GSTM4: variants seen among roughly 807,000 people sequenced by gnomAD.
GSTM4 encodes the protein glutathione S-transferase mu 4, also known as GST class-mu 4.
GSTM4 carries 27 observed loss-of-function variants against 30.1 expected under a neutral mutation model. That is an observed-to-expected ratio of 0.90 (90% CI 0.66 to 1.24). GSTM4 has a LOEUF of 1.24. GSTM4 is among the 50% of genes most tolerant of loss of function. The pLI, the probability that GSTM4 is intolerant of heterozygous loss-of-function variation, is 0.00. For synonymous variants in GSTM4, 94 were observed against 96.2 expected (o/e 0.98, Z 0.13); for missense variants, 238 against 272.1 (o/e 0.87, Z 0.88).
chr1:109,656,635 G>C (rs902385721), intron 1 of GSTM4, 77 bp from the exon 2 acceptor site: 1 of 1,402,876 alleles, frequency 7.1e-7, no homozygotes, highest in Non-Finnish European at 1.0e-6. Context: ...GTAGACTAGG[G>C]GCTCACCTGG....
chr1:109,656,720 C>T lies in GSTM4; in HGVS notation c.45C>T (p.His15=), dbSNP rs368378245. The stretch of plus-strand genomic sequence containing the variant: ...CGGGCCATCTCTTCCAGCTGGCCCA[C>T]GCCATCCGCCTGCTCCTGGAATACA... ...LGYWDIRGLA[H]AIRLLLEYTD... The change falls in exon 2 of 8, where the codon CAC becomes CAT. Residue 15 remains histidine, a synonymous_variant. Coordinates refer to ENST00000369836, the MANE Select transcript of GSTM4 (RefSeq NM_000850.5). The T allele has an allele frequency of 6.2e-7, 1 of 1,613,650 alleles. No individual in the cohort carries two copies. The highest frequency in any genetic ancestry group is 1.3e-5 in the African/African-American group (1 of 74,814).
intron 7 of GSTM4, chr1:109,659,480 C>A: frequency 1.0e-6 from 1 of 991,790 alleles, no homozygotes; most frequent in Non-Finnish European, 1.4e-6. Context: ...CTCATCCAGC[C>A]TGGATTTCAC....
chr1:109,663,621 C>T (rs1189547642), downstream of GSTM4, among the ~76,000 whole-genome samples: 8 of 151,700 alleles, frequency 5.3e-5, no homozygotes, highest in African/African-American at 1.2e-4. Flanking sequence ...GCTGAGATCA[C>T]GCCACTGCAC....
Position 109,658,881 on chromosome 1 carries a change from G to A in GSTM4, c.428G>A (p.Gly143Glu). 6.2e-7 allele frequency: 1 copy of A among 1,614,030 alleles called. No individual in the cohort carries two copies. The highest frequency in any genetic ancestry group is 8.5e-7 in the Non-Finnish European group (1 of 1,179,870). ...TMMQHFSQFLGKRPWFVGDKI... is the reference protein window; with the variant it reads ...TMMQHFSQFLEKRPWFVGDKI... Reference sequence around the variant, plus strand: ...ATGCAGCACTTCTCACAGTTCCTGGGGAAGAGGCCATGGTTTGTTGGAGAC... The same window carrying A: ...ATGCAGCACTTCTCACAGTTCCTGGAGAAGAGGCCATGGTTTGTTGGAGAC... Residue 143 changes from glycine (G) to glutamate (E), a missense_variant, in exon 6 of 8, where the codon GGG becomes GAG. Physicochemically the swap from Gly to Glu is moderately conservative, Grantham distance 98. Coordinates refer to ENST00000369836, the MANE Select transcript of GSTM4 (RefSeq NM_000850.5).
intron 5 of GSTM4, 114 bp downstream of exon 5, chr1:109,657,986 G>A (rs1035758629): frequency 8.8e-5 from 72 of 815,036 alleles, no homozygotes; most frequent in Non-Finnish European, 1.5e-4. Context: ...TCCCTGTACT[G>A]TAGCAGAGTG....
chr1:109,666,017 T>C (rs182748072), downstream of GSTM4, among the ~76,000 whole-genome samples: 108 of 152,332 alleles, frequency 7.1e-4, no homozygotes, highest in African/African-American at 2.3e-3. Context: ...AGTCAAGTCA[T>C]TGCAAATTGG....
intron 2 of GSTM4, 188 bp downstream of exon 2, chr1:109,656,975 C>G (rs1652030889): frequency 1.3e-6 from 1 of 796,712 alleles, no homozygotes; most frequent in Non-Finnish European, 2.2e-6. Flanking sequence ...ATGCTGGGCC[C>G]CCTGTTTAAT....
intron 5 of GSTM4, chr1:109,658,578 TG>T (rs1213296567): frequency 1.3e-5 from 7 of 540,122 alleles, no homozygotes; most frequent in Non-Finnish European, 2.3e-5. Context: ...GGGAGGTCAG[TG>T]GGGACAGATT....
chr1:109,661,292 A>G lies in GSTM4; in HGVS notation c.*38A>G. 2 of 1,612,538 alleles carry G rather than the reference A, an allele frequency of 1.2e-6. No homozygotes were observed. Among genetic ancestry groups the G allele is most frequent in the Non-Finnish European group, 1.7e-6 (2 of 1,179,420 alleles). ...CAGGAGGTGGGAGTGAGGAGCCCAT[A>G]CTCAGCCTGCTGCCCAGGCTGTGCA... On this transcript the variant is annotated 3_prime_UTR_variant, in exon 8 of 8. Transcript: ENST00000369836.
downstream of GSTM4, among the ~76,000 whole-genome samples, chr1:109,662,163 T>C (rs547881620): frequency 6.6e-6 from 1 of 152,336 alleles, no homozygotes; most frequent in East Asian, 1.9e-4. Context: ...CTGACTGCCT[T>C]AGAGCAGGAA....
chr1:109,656,502 G>T, intron 1 of GSTM4, 77 bp downstream of exon 1: 1 of 1,522,140 alleles, frequency 6.6e-7, no homozygotes, highest in Non-Finnish European at 9.1e-7. Context: ...CGGCTCTAGG[G>T]ACGGTTCCCT....
downstream of GSTM4, chr1:109,664,875 T>C: frequency 1.2e-6 from 1 of 839,910 alleles, no homozygotes; most frequent in South Asian, 1.5e-5. Flanking sequence ...TTGAATCTCC[T>C]GTATAAAACT....
chr1:109,663,538 G>A (rs1652376169), downstream of GSTM4, among the ~76,000 whole-genome samples: 1 of 152,068 alleles, frequency 6.6e-6, no homozygotes, highest in African/African-American at 2.4e-5. Context: ...TGGTGGCAGC[G>A]CCTGTAATCC....
chr1:109,656,593 T>TGTGTGTGTGAGA, intron 1 of GSTM4, 119 bp from the exon 2 acceptor site: 16 of 556,774 alleles, frequency 2.9e-5, no homozygotes, highest in Non-Finnish European at 4.4e-5. Context: ...TGTGTGTGCG[T>TGTGTGTGTGAGA]GCGCCGGGGT....
chr1:109,657,074 A>G (rs1241264801), intron 2 of GSTM4, 141 bp from the exon 3 acceptor site: 2 of 872,580 alleles, frequency 2.3e-6, no homozygotes, highest in Admixed American at 2.0e-5. Flanking sequence ...TTTGTCCCTG[A>G]ACCCTGGGAT....
chr1:109,658,695 A>G (rs951131266), intron 5 of GSTM4, 119 bp from the exon 6 acceptor site: 2 of 752,696 alleles, frequency 2.7e-6, no homozygotes, highest in Non-Finnish European at 4.8e-6. Context: ...AGCCAGTTCC[A>G]GCTGTGGGGA....
chr1:109,656,886 G>C, intron 2 of GSTM4, 99 bp downstream of exon 2: 6 of 1,207,750 alleles, frequency 5.0e-6, no homozygotes, highest in Non-Finnish European at 6.2e-6. Context: ...GGCCTCCCCT[G>C]CTGGAGCTGC....
chr1:109,656,273 CG>C lies in GSTM4; in HGVS notation c.-113del. 1.0e-6 allele frequency: 1 copy of C among 992,510 alleles called. No homozygotes were observed. The highest frequency in any genetic ancestry group is 1.6e-6 in the Non-Finnish European group (1 of 625,874). 61.5% of individuals were successfully genotyped at this position (992,510 alleles called of 1,614,324 possible). The stretch of plus-strand genomic sequence containing the variant: ...CGACCTTGAAGATCGGCGGGCGCAG[CG>C]GGGCCGAGGGGGCGGGTCTGGCGCT... On this transcript the variant is annotated 5_prime_UTR_variant, in exon 1 of 8. Transcript: ENST00000369836.
intron 1 of GSTM4, 143 bp from the exon 2 acceptor site, chr1:109,656,569 T>TGC: frequency 1.5e-6 from 1 of 677,790 alleles, no homozygotes; most frequent in Non-Finnish European, 2.5e-6. Flanking sequence ...TGTGTGTGTG[T>TGC]GTGTGTGTGT....
Sources: allele counts gnomAD v4.1 joint callset (sites outside exome capture counted in the v4.1 genomes callset), GRCh38; gene constraint gnomAD v4.1.1; transcripts MANE v1.5; gene names NCBI Gene and HGNC (gene_info 2026-07-23, HGNC 2026-07-21).